FRMD6: variants seen among roughly 807,000 people sequenced by gnomAD.
FRMD6 encodes FERM domain containing 6, also known as FERM domain-containing protein 6.
FRMD6 carries 37 observed loss-of-function variants against 73.2 expected under a neutral mutation model. The observed-to-expected ratio is 0.51, with a 90% CI of 0.39 to 0.66. The LOEUF is 0.66. FRMD6 is among the 30% of genes least tolerant of loss of function. FRMD6 has a pLI of 0.00. For synonymous variants in FRMD6, 273 were observed against 282.2 expected, an observed-to-expected ratio of 0.97 and a Z score of 0.33; for missense variants, 714 against 780.5, an observed-to-expected ratio of 0.91 and a Z score of 1.02.
intron 1 of FRMD6, among the ~76,000 whole-genome samples, chr14:51,566,229 A>C (rs1051178262): frequency 6.6e-6 from 1 of 152,216 alleles, no homozygotes; most frequent in Non-Finnish European, 1.5e-5. Context: ...CAAAGGAATG[A>C]CCATTCCAGT....
In FRMD6 at chr14:51,512,569, A is replaced by G. The variant is rs75546628; in HGVS notation, c.-210+23149A>G. Among the ~76,000 whole-genome samples the G allele has an allele frequency of 2.0e-5, 3 of 152,080 alleles. No individual in the cohort carries two copies. In the East Asian group the frequency reaches 5.8e-4, roughly 29 times the overall value. The stretch of plus-strand genomic sequence containing the variant: ...CCTTGCCCTTAAAGCTAGCCCATGC[A>G]AGGAAGTCACAACCTCCTTCTGATA... On this transcript the variant is annotated intron_variant, in intron 1 of 14. Transcript: ENST00000356218.
chr14:51,725,947 A>G (rs1897931122), intron 13 of FRMD6, 77 bp downstream of exon 13: 1 of 941,296 alleles, frequency 1.1e-6, no homozygotes, highest in African/African-American at 1.7e-5. Context: ...ACATTTATAC[A>G]AATGAGCAAA....
intron 1 of FRMD6, among the ~76,000 whole-genome samples, chr14:51,681,702 T>G (rs1332927861): frequency 6.6e-6 from 1 of 152,208 alleles, no homozygotes; most frequent in Non-Finnish European, 1.5e-5. Flanking sequence ...ACACAGCCAC[T>G]TACAATTGTA....
chr14:51,470,644 T>G, the FRMD6 span, among the ~76,000 whole-genome samples: 1 of 152,242 alleles, frequency 6.6e-6, no homozygotes, highest in Non-Finnish European at 1.5e-5. Context: ...AATTTTTCTA[T>G]TTTTACTTAT....
At chr14:51,450,816 T>C in the FRMD6 span, among the ~76,000 whole-genome samples, 1 of 152,174 alleles carries the variant, frequency 6.6e-6, no homozygotes, top group Admixed American at 6.5e-5. Context: ...CAAATGTTTG[T>C]TGAGGTCTGT....
At chr14:51,528,518 G>C (rs1885390956) in intron 1 of FRMD6, among the ~76,000 whole-genome samples, 1 of 152,070 alleles carries the variant, frequency 6.6e-6, no homozygotes, top group Non-Finnish European at 1.5e-5. Context: ...ATTTTGGGGA[G>C]CCCATTAGAA....
rs548131110 is a variant in FRMD6, at chr14:51,656,664, G to T, written c.-147+4668G>T. ...CCTGACCTTGTGATCTGCCCGCCTC[G>T]GCCTCCCAAAGTGCTGAGATCACAG... On this transcript the variant is annotated intron_variant, in intron 1 of 13. Transcript: ENST00000344768. Among the ~76,000 whole-genome samples the T allele has an allele frequency of 2.6e-5, 4 of 152,058 alleles. No homozygotes were observed. In the East Asian group the frequency reaches 7.7e-4, roughly 29 times the overall value.
At chr14:51,436,013 C>A in the FRMD6 span, 1 of 162,650 alleles carries the variant, frequency 6.1e-6, no homozygotes, top group South Asian at 1.6e-4. Flanking sequence ...GACCTGTGGT[C>A]TGGTTCTTGG....
chr14:51,468,074 C>T, the FRMD6 span, among the ~76,000 whole-genome samples: 3 of 152,208 alleles, frequency 2.0e-5, no homozygotes, highest in East Asian at 3.9e-4. Context: ...AGATCACTCG[C>T]GGTCAGGAGC....
the FRMD6 span, among the ~76,000 whole-genome samples, chr14:51,408,741 T>C: frequency 6.6e-6 from 1 of 152,198 alleles, no homozygotes; most frequent in Non-Finnish European, 1.5e-5. Context: ...ATATATTGTG[T>C]GTCTAATTTT....
At chr14:51,457,612 G>C in the FRMD6 span, among the ~76,000 whole-genome samples, 1 of 152,182 alleles carries the variant, frequency 6.6e-6, no homozygotes, top group East Asian at 1.9e-4. Context: ...TGCTTTCTAA[G>C]ATGCCCCAGT....
chr14:51,481,976 C>A, the FRMD6 span, among the ~76,000 whole-genome samples: 3 of 152,248 alleles, frequency 2.0e-5, no homozygotes, highest in South Asian at 6.2e-4. Flanking sequence ...AATTACATTT[C>A]CCCCTGGGTA....
intron 2 of FRMD6, among the ~76,000 whole-genome samples, chr14:51,601,682 G>C (rs1490540356): frequency 6.6e-6 from 1 of 152,100 alleles, no homozygotes; most frequent in Non-Finnish European, 1.5e-5. Flanking sequence ...ACTTCAACTG[G>C]ATAAAAGGCT....
intron 2 of FRMD6, among the ~76,000 whole-genome samples, chr14:51,593,634 G>A (rs1889531741): frequency 6.6e-6 from 1 of 152,110 alleles, no homozygotes; most frequent in Non-Finnish European, 1.5e-5. Context: ...TGCCAGACAG[G>A]GGTGAACTTG....
chr14:51,542,293 T>A (rs1886241544), intron 1 of FRMD6, among the ~76,000 whole-genome samples: 1 of 152,034 alleles, frequency 6.6e-6, no homozygotes, highest in Non-Finnish European at 1.5e-5. Context: ...CCTCATTCTC[T>A]CCTACCCGCA....
At chr14:51,445,335 C>T in the FRMD6 span, among the ~76,000 whole-genome samples, 1 of 152,160 alleles carries the variant, frequency 6.6e-6, no homozygotes, top group African/African-American at 2.4e-5. Flanking sequence ...TCCCTCTTTC[C>T]TGATGTCATC....
chr14:51,707,744 C>G (rs1041031562), intron 6 of FRMD6, among the ~76,000 whole-genome samples: 17 of 152,026 alleles, frequency 1.1e-4, no homozygotes, highest in Admixed American at 4.6e-4. Flanking sequence ...TATAAACTTG[C>G]AAGTATAAAC....
At position 51,539,618 on chromosome 14, in the gene FRMD6, G is replaced by T. The variant is rs140675979; in HGVS notation, c.-209-30730G>T. On this transcript the variant is annotated intron_variant, in intron 1 of 14. Transcript: ENST00000356218. ...GTAACCAATTCTGGCTTCCTTCTGG[G>T]CAATTACATTCCAGAATGGAATGTG... 1.8e-3 allele frequency among the ~76,000 whole-genome samples: 275 copies of T among 152,202 alleles called. 1 individual carries two copies. The highest frequency in any genetic ancestry group is 6.4e-3 in the African/African-American group (267 of 41,538).
At chr14:51,603,824 C>T (rs1229382380) in intron 2 of FRMD6, among the ~76,000 whole-genome samples, 1 of 151,974 alleles carries the variant, frequency 6.6e-6, no homozygotes, top group Non-Finnish European at 1.5e-5. Context: ...ACATAGAAAA[C>T]AACTAACTCA....
Sources: gnomAD v4.1 joint callset for allele counts (sites outside exome capture counted in the v4.1 genomes callset) on GRCh38, gnomAD v4.1.1 for gene constraint, MANE v1.5 for transcripts, NCBI Gene and HGNC (gene_info 2026-07-23, HGNC 2026-07-21) for gene names.